The following SYVN1 variants were observed in gnomAD, a reference collection of about 807,000 sequenced individuals.
The protein encoded by SYVN1 is synoviolin 1, also known as E3 ubiquitin-protein ligase synoviolin.
Under a neutral mutation model 62.6 loss-of-function variants are expected in SYVN1, and 17 were observed. That is an observed-to-expected ratio of 0.27 (90% CI 0.19 to 0.41). SYVN1 has a LOEUF of 0.41. SYVN1 is among the 10% of genes least tolerant of loss of function. The probability of loss-of-function intolerance (pLI) is 1.00; values close to 1 mark genes in which losing one functional copy is unlikely to be tolerated. For missense variants in SYVN1, 634 were observed against 818.0 expected, an observed-to-expected ratio of 0.78 and a Z score of 2.74; for synonymous variants, 316 against 304.0, an observed-to-expected ratio of 1.04 and a Z score of -0.41.
rs1454279008 is a variant in SYVN1, at chr11:65,128,383, C to T, written c.1853G>A (p.Ter618=). Residue 618 remains the stop codon, a stop_retained_variant, in exon 16 of 16, where the codon TGA becomes TAA. Transcript: ENST00000377190. ...GGCTGGGGCTGGGCTGGGGCAGTGTCAGTGGGCAACAGGAGACTCCAGCTT... is the reference window on the plus strand; with the variant it reads ...GGCTGGGGCTGGGCTGGGGCAGTGTTAGTGGGCAACAGGAGACTCCAGCTT... ...LQKLESPVAH[*] 1.2e-6 allele frequency: 2 copies of T among 1,611,670 alleles called. No individual in the cohort carries two copies. Among genetic ancestry groups the T allele is most frequent in the Admixed American group, 3.3e-5 (2 of 59,842 alleles).
chr11:65,129,913 AG>A lies in SYVN1; in HGVS notation c.1410del (p.Phe471SerfsTer14). On this transcript the variant is annotated frameshift_variant and splice_region_variant, in exon 14 of 16. Coordinates refer to ENST00000377190, the MANE Select transcript of SYVN1 (RefSeq NM_172230.3). LOFTEE classifies it high-confidence loss of function. ...WMGMPLPPPF[A>X]FPPMPVPPAG... ...GCAGGGGGCACAGGCATTGGGGGGA[AG>A]GCTGGAGAGAGAGAGGCTCAGTCTG... 1 of 1,613,006 alleles carries A rather than the reference AG, an allele frequency of 6.2e-7. No individual in the cohort carries two copies. The highest frequency in any genetic ancestry group is 8.5e-7 in the Non-Finnish European group (1 of 1,179,286).
chr11:65,131,695 C>T, intron 6 of SYVN1, 99 bp from the exon 7 acceptor site: 1 of 1,442,964 alleles, frequency 6.9e-7, no homozygotes, highest in Non-Finnish European at 9.4e-7. Flanking sequence ...TGCAGTGGTA[C>T]AATCACAGGC....
chr11:65,133,592 T>C lies in SYVN1; in HGVS notation c.10A>G (p.Thr4Ala). 1 of 1,610,074 alleles carries C rather than the reference T, an allele frequency of 6.2e-7. No individual in the cohort carries two copies. Among genetic ancestry groups the C allele is most frequent in the Non-Finnish European group, 8.5e-7 (1 of 1,179,950 alleles). MFR[T>A]AVMMAASLAL... ...AGGCTGGCCGCCATCATCACTGCCG[T>C]GCGGAACATTGCCCTGGCCCGGAGA... The change falls in exon 2 of 16, where the codon ACG becomes GCG. Residue 4 changes from threonine to alanine, a missense_variant. Around this residue, in one of 2 missense-constraint regions of SYVN1, gnomAD observed 283 missense variants for 444.7 expected, o/e 0.64. Transcript: ENST00000377190.
rs771891920 is a variant in SYVN1, at chr11:65,133,453, C to T, written c.132+17G>A. 1.2e-6 allele frequency: 2 copies of T among 1,612,348 alleles called. No individual in the cohort carries two copies. The highest frequency in any genetic ancestry group is 2.2e-5 in the East Asian group (1 of 44,844). ...TCCCTCCCAGGGAGTTCCTCCCTCC[C>T]TGAGCCCTGAACTCACTGCCATGCT... is the stretch of plus-strand genomic sequence containing the variant. On this transcript the variant is annotated intron_variant, in intron 2 of 15. Transcript: ENST00000377190.
At chr11:65,128,519 A>T in intron 15 of SYVN1, 31 bp from the exon 16 acceptor site, 1 of 1,613,224 alleles carries the variant, frequency 6.2e-7, no homozygotes, top group Non-Finnish European at 8.5e-7. Context: ...AGTGGAACCT[A>T]GAGAAGTTCC....
At position 65,130,837 on chromosome 11, in the gene SYVN1, C is replaced by A; in HGVS notation, c.942-14G>T. The A allele has an allele frequency of 6.3e-7, 1 of 1,586,602 alleles. No individual in the cohort carries two copies. Among genetic ancestry groups the A allele is most frequent in the Non-Finnish European group, 8.6e-7 (1 of 1,169,504 alleles). ...GAGCGCAGGCAGCTGCGGGTCAAGG[C>A]CAGGCAGAGGTCAGCAGGTCCCTAG... is the stretch of plus-strand genomic sequence containing the variant. On this transcript the variant is annotated splice_polypyrimidine_tract_variant and intron_variant, in intron 10 of 15. Transcript: ENST00000377190.
intron 6 of SYVN1, 83 bp downstream of exon 6, chr11:65,132,162 GTGC>G: frequency 9.3e-7 from 1 of 1,071,832 alleles, no homozygotes; most frequent in Non-Finnish European, 1.5e-6. Context: ...CACATAGCAG[GTGC>G]TGAGGAAGGG....
chr11:65,129,817 G>A lies in SYVN1; in HGVS notation c.1507C>T (p.Arg503Trp), dbSNP rs1371076422. The A allele has an allele frequency of 4.3e-6, 7 of 1,614,206 alleles. No homozygotes were observed. Among genetic ancestry groups the A allele is most frequent in the South Asian group, 2.2e-5 (2 of 91,084 alleles). Residue 503 changes from arginine to tryptophan, a missense_variant, in exon 14 of 16, where the codon CGG becomes TGG. By Grantham distance (101) the Arg-to-Trp change is moderately radical. Transcript: ENST00000377190. ...TGGATGTTACGCAGGCTCTGCAGCC[G>A]GGCCTCCAGGTGCTGCCGCTCATGG... ...EGHERQHLEA[R>W]LQSLRNIHTL...
chr11:65,129,654 A>C, intron 14 of SYVN1, 75 bp downstream of exon 14: 2 of 1,467,378 alleles, frequency 1.4e-6, no homozygotes, highest in South Asian at 2.4e-5. Flanking sequence ...AAGGCCAAGA[A>C]CCACTGCTGG....
rs367915433 is a variant in SYVN1 at position 65,130,191 on chromosome 11, G to A, written c.1235-16C>T. ...GAAAGGGCTGCTGAAGAGCAGGAAC[G>A]AAGTCAGTGAGTGTTCCATCCCTGC... On this transcript the variant is annotated splice_polypyrimidine_tract_variant and intron_variant, in intron 12 of 15. Transcript: ENST00000377190. The A allele has an allele frequency of 2.1e-5, 34 of 1,606,778 alleles. No homozygotes were observed. The highest frequency in any genetic ancestry group is 8.0e-5 in the African/African-American group (6 of 74,762).
intron 6 of SYVN1, 72 bp from the exon 7 acceptor site, chr11:65,131,668 G>A: frequency 6.4e-7 from 1 of 1,570,856 alleles, no homozygotes; most frequent in South Asian, 1.2e-5. Flanking sequence ...TGCTCCCCAA[G>A]GCCTCTGCAC....
At chr11:65,129,489 G>A (rs1324698657) in intron 14 of SYVN1, 1 of 461,882 alleles carries the variant, frequency 2.2e-6, no homozygotes, top group Non-Finnish European at 3.9e-6. Context: ...AAATATAAAG[G>A]AATAAGATCT....
In SYVN1 at chr11:65,133,081, G is replaced by T; in HGVS notation, c.226-7C>A. On this transcript the variant is annotated splice_region_variant and splice_polypyrimidine_tract_variant and intron_variant, in intron 3 of 15. Coordinates refer to ENST00000377190, the MANE Select transcript of SYVN1 (RefSeq NM_172230.3). The stretch of plus-strand genomic sequence containing the variant: ...AGGAACGTTCCAGAAGGTGCTGGGG[G>T]CCAGGCAGGGAATAATGTGGATACC... 6.2e-7 allele frequency: 1 copy of T among 1,614,164 alleles called. No homozygotes were observed. The highest frequency in any genetic ancestry group is 1.3e-5 in the African/African-American group (1 of 75,026).
chr11:65,132,129 C>T (rs1329656134), intron 6 of SYVN1, 119 bp downstream of exon 6: 4 of 799,960 alleles, frequency 5.0e-6, no homozygotes, highest in Non-Finnish European at 8.9e-6. Flanking sequence ...ATCACTGCCC[C>T]TTGGTGGCCA....
At position 65,130,734 on chromosome 11, in the gene SYVN1, G is replaced by C; in HGVS notation, c.1031C>G (p.Pro344Arg). The C allele has an allele frequency of 1.3e-6, 2 of 1,530,032 alleles. No homozygotes were observed. Among genetic ancestry groups the C allele is most frequent in the Non-Finnish European group, 1.7e-6 (2 of 1,142,950 alleles). The allele number at this position is 1,530,032 out of a possible 1,614,324, so 94.8% of individuals were successfully genotyped here. A position where few individuals can be genotyped will look rare whatever the true frequency, so the allele number is the denominator to read the frequency against. ...CCCCTGATCCGCAGGCTCCGGGGGT[G>C]GTGGTGACTGCGCTGGCAGCGATGC... is the stretch of plus-strand genomic sequence containing the variant. ...LRASLPAQSPPPPEPADQGPP... is the reference protein window; with the variant it reads ...LRASLPAQSPRPPEPADQGPP... Residue 344 changes from proline (P) to arginine (R), a missense_variant, in exon 11 of 16, where the codon CCA becomes CGA. Around this residue, in one of 2 missense-constraint regions of SYVN1, gnomAD observed 351 missense variants for 373.3 expected, o/e 0.94. Transcript: ENST00000377190.
chr11:65,132,845 C>A (rs1948198837), intron 4 of SYVN1, 65 bp from the exon 5 acceptor site: 7 of 1,613,062 alleles, frequency 4.3e-6, no homozygotes, highest in Non-Finnish European at 5.1e-6. Context: ...CTCAACCTAG[C>A]CCTCCCTGCT....
In SYVN1 at chr11:65,128,619, G is replaced by A. The variant is rs759980723; in HGVS notation, c.1691C>T (p.Ala564Val). 2 of 1,614,064 alleles carry A rather than the reference G, an allele frequency of 1.2e-6. No individual in the cohort carries two copies. Among genetic ancestry groups the A allele is most frequent in the East Asian group, 4.5e-5 (2 of 44,906 alleles). ...ASSTSIPSSE[A>V]TTPTPGASPP... Reference sequence around the variant, plus strand: ...GGAGGCTCCTGGGGTTGGGGTCGTGGCCTCTGAGCTAGGGATGCTGGTGGA... The same window carrying A: ...GGAGGCTCCTGGGGTTGGGGTCGTGACCTCTGAGCTAGGGATGCTGGTGGA... Residue 564 changes from alanine to valine, a missense_variant, in exon 15 of 16, where the codon GCC becomes GTC. Transcript: ENST00000377190.
At chr11:65,129,977 G>C (rs919184367) in intron 13 of SYVN1, 25 bp downstream of exon 13, 1 of 1,598,698 alleles carries the variant, frequency 6.3e-7, no homozygotes, top group East Asian at 2.2e-5. Flanking sequence ...CCCCCAAGAA[G>C]AACCCAGAGA....
At position 65,130,268 on chromosome 11, in the gene SYVN1, G is replaced by T. The variant is rs1354179305; in HGVS notation, c.1217C>A (p.Pro406His). 1 of 1,602,896 alleles carries T rather than the reference G, an allele frequency of 6.2e-7. No homozygotes were observed. Among genetic ancestry groups the T allele is most frequent in the Non-Finnish European group, 8.5e-7 (1 of 1,174,622 alleles). ...AGGCTCACCTGCACTGGTGGATGGA[G>T]GAGCCACAGCCTCTCCTGAGCTGGG... The part of the protein sequence containing the change: ...PPPSSGEAVA[P>H]PSTSAAALSR... The change falls in exon 12 of 16, where the codon CCT becomes CAT. Residue 406 changes from proline to histidine, a missense_variant. Transcript: ENST00000377190.
Sources: allele counts gnomAD v4.1 joint callset, GRCh38; gene constraint gnomAD v4.1.1; regional missense constraint gnomAD v4.1.1; transcripts MANE v1.5; gene names NCBI Gene and HGNC (gene_info 2026-07-23, HGNC 2026-07-21).